Variants in ST18 observed in about 807,000 individuals in gnomAD.
ST18 encodes ST18 C2H2C-type zinc finger transcription factor, also known as suppression of tumorigenicity 18 protein.
Under a neutral mutation model 110.0 loss-of-function variants are expected in ST18, and 50 were observed. The ratio of observed to expected loss-of-function variants is 0.45; its 90% CI spans 0.36 to 0.58. ST18 has a LOEUF of 0.58. ST18 is among the 20% of genes least tolerant of loss of function. The pLI is 0.00. For synonymous variants in ST18, 461 were observed against 452.4 expected, an observed-to-expected ratio of 1.02 and a Z score of -0.24; for missense variants, 1,306 against 1,280.1, an observed-to-expected ratio of 1.02 and a Z score of -0.31.
At chr8:52,277,588 G>A (rs1448335265) in intron 2 of ST18, among the ~76,000 whole-genome samples, 1 of 152,092 alleles carries the variant, frequency 6.6e-6, no homozygotes, top group East Asian at 1.9e-4. Context: ...ATTGGAAAGA[G>A]GATTTAATAA....
In ST18 at chr8:52,161,439, T is replaced by A. The variant is rs1283276665; in HGVS notation, c.1530A>T (p.Gln510His). 1.2e-6 allele frequency: 2 copies of A among 1,614,090 alleles called. No homozygotes were observed. Among genetic ancestry groups the A allele is most frequent in the Non-Finnish European group, 8.5e-7 (1 of 1,180,038 alleles). Residue 510 changes from glutamine to histidine, a missense_variant, in exon 14 of 26, where the codon CAA becomes CAT. Physicochemically the swap from Gln to His is conservative, Grantham distance 24. Coordinates refer to ENST00000689386, the MANE Select transcript of ST18 (RefSeq NM_001352837.2). The part of the protein sequence containing the change: ...VPFDYASFDA[Q>H]VFGKRPLIQT... ...GTATGAGAGGGCGTTTACCGAAAACTTGGGCATCAAAACTGGCATAATCAA... is the reference window on the plus strand; with the variant it reads ...GTATGAGAGGGCGTTTACCGAAAACATGGGCATCAAAACTGGCATAATCAA...
intron 19 of ST18, among the ~76,000 whole-genome samples, chr8:52,135,854 A>G (rs1586670587): frequency 6.6e-6 from 1 of 152,152 alleles, no homozygotes; most frequent in Non-Finnish European, 1.5e-5. Context: ...CTGTCTACGC[A>G]TATTGTTTTA....
intron 8 of ST18, among the ~76,000 whole-genome samples, chr8:52,185,357 T>A (rs1321563620): frequency 6.6e-6 from 1 of 152,144 alleles, no homozygotes; most frequent in African/African-American, 2.4e-5. Flanking sequence ...CTTCTTTATC[T>A]ATTAGATTCA....
In ST18 at chr8:52,111,650, G is replaced by T. The variant is rs1244114620; in HGVS notation, c.*1548C>A. The T allele has an allele frequency of 2.0e-5, 3 of 152,498 alleles. No homozygotes were observed. Among genetic ancestry groups the T allele is most frequent in the African/African-American group, 7.3e-5 (3 of 41,368 alleles). 9.4% of individuals were successfully genotyped at this position (152,498 alleles called of 1,614,324 possible). A position where few individuals can be genotyped will look rare whatever the true frequency, so the allele number is the denominator to read the frequency against. The stretch of plus-strand genomic sequence containing the variant: ...TCACTTTCCATCTAAATATCCATGA[G>T]GTTAATAAAAAATAAACACTTTTGT... On this transcript the variant is annotated 3_prime_UTR_variant, in exon 26 of 26. Coordinates refer to ENST00000689386, the MANE Select transcript of ST18 (RefSeq NM_001352837.2).
intron 2 of ST18, among the ~76,000 whole-genome samples, chr8:52,380,820 T>TCAGC (rs1346543264): frequency 6.6e-6 from 1 of 152,190 alleles, no homozygotes; most frequent in Non-Finnish European, 1.5e-5. Context: ...CAGGAGAGAA[T>TCAGC]CAGCATTCAA....
chr8:52,140,896 T>G (rs1409061792), intron 17 of ST18, among the ~76,000 whole-genome samples: 2 of 152,006 alleles, frequency 1.3e-5, no homozygotes, highest in Non-Finnish European at 2.9e-5. Context: ...AAATAACACA[T>G]GAAAAAAATA....
intron 10 of ST18, 126 bp from the exon 11 acceptor site, chr8:52,167,112 A>G (rs1191560068): frequency 6.1e-6 from 8 of 1,301,020 alleles, no homozygotes; most frequent in Admixed American, 4.6e-5. Flanking sequence ...TTCTTCTCAC[A>G]TCGCCTTGAA....
intron 2 of ST18, among the ~76,000 whole-genome samples, chr8:52,313,894 C>T (rs1464179861): frequency 1.3e-5 from 2 of 152,166 alleles, no homozygotes; most frequent in Non-Finnish European, 2.9e-5. Flanking sequence ...GGTGCTGCTC[C>T]CCAAACATGG....
chr8:52,318,196 C>G (rs2096063437), intron 2 of ST18, among the ~76,000 whole-genome samples: 1 of 151,776 alleles, frequency 6.6e-6, no homozygotes, highest in South Asian at 2.1e-4. Context: ...CAAAAACAAA[C>G]TTACAAGAAA....
chr8:52,178,859 G>A (rs931371440), intron 9 of ST18, among the ~76,000 whole-genome samples: 4 of 151,658 alleles, frequency 2.6e-5, no homozygotes, highest in East Asian at 1.9e-4. Flanking sequence ...TGTTTTAAGC[G>A]CAGAATTGCA....
chr8:52,194,037 G>A (rs974697286), intron 8 of ST18, among the ~76,000 whole-genome samples: 7 of 151,210 alleles, frequency 4.6e-5, no homozygotes, highest in Admixed American at 4.6e-4. Flanking sequence ...TATAAAAGGG[G>A]AGAATTTTTT....
At chr8:52,115,982 G>A (rs2042393575) in intron 25 of ST18, among the ~76,000 whole-genome samples, 2 of 152,016 alleles carry the variant, frequency 1.3e-5, no homozygotes. Flanking sequence ...TTCACTGAGG[G>A]AGTTTTGCCC....
intron 2 of ST18, chr8:52,405,795 A>T (rs1460459444): frequency 2.0e-5 from 3 of 152,124 alleles, no homozygotes; most frequent in African/African-American, 7.2e-5. Context: ...GAATGTTTAC[A>T]TCTCAGTAAT....
intron 2 of ST18, among the ~76,000 whole-genome samples, chr8:52,319,721 G>A (rs1467780437): frequency 6.6e-6 from 1 of 152,132 alleles, no homozygotes; most frequent in East Asian, 1.9e-4. Flanking sequence ...CTCGGTTGAG[G>A]TTGCTTGTTT....
chr8:52,232,409 G>A (rs1216332505), intron 2 of ST18, among the ~76,000 whole-genome samples: 1 of 152,008 alleles, frequency 6.6e-6, no homozygotes, highest in Non-Finnish European at 1.5e-5. Context: ...ATAAAATATG[G>A]GAATGAATTA....
chr8:52,180,335 A>C (rs1221287552), intron 8 of ST18, 23 bp from the exon 9 acceptor site: 1 of 1,611,868 alleles, frequency 6.2e-7, no homozygotes, highest in African/African-American at 1.3e-5. Flanking sequence ...AGGAAAATTA[A>C]GAATATGGTA....
intron 2 of ST18, among the ~76,000 whole-genome samples, chr8:52,293,213 G>A (rs1277290898): frequency 1.3e-5 from 2 of 152,230 alleles, no homozygotes; most frequent in Non-Finnish European, 2.9e-5. Context: ...GGTAGTAAGG[G>A]AGAGCAGAAA....
chr8:52,142,905 G>A (rs763296587), intron 17 of ST18, 25 bp downstream of exon 17: 10 of 1,467,580 alleles, frequency 6.8e-6, no homozygotes, highest in Non-Finnish European at 9.5e-6. Context: ...GAATCTTAGA[G>A]GGCATGGCAT....
At chr8:52,262,951 A>G (rs1403253247) in intron 2 of ST18, among the ~76,000 whole-genome samples, 1 of 152,170 alleles carries the variant, frequency 6.6e-6, no homozygotes, top group Non-Finnish European at 1.5e-5. Context: ...AACTTTTTCC[A>G]CTGCTCAACT....
Sources: gnomAD v4.1 joint callset for allele counts (sites outside exome capture counted in the v4.1 genomes callset) on GRCh38, gnomAD v4.1.1 for gene constraint, MANE v1.5 for transcripts, NCBI Gene and HGNC (gene_info 2026-07-23, HGNC 2026-07-21) for gene names.